Variants in STXBP4 observed in about 807,000 individuals in gnomAD.
STXBP4 encodes syntaxin binding protein 4.
STXBP4 carries 55 observed loss-of-function variants against 76.1 expected under a neutral mutation model. That is an observed-to-expected ratio of 0.72 (90% CI 0.58 to 0.91). The LOEUF (loss-of-function observed/expected upper bound fraction) is 0.91. Ranked by LOEUF, STXBP4 falls within the 40% of genes least tolerant of loss-of-function variation. The probability of loss-of-function intolerance (pLI) is 0.00; values close to 1 mark genes in which losing one functional copy is unlikely to be tolerated. For synonymous variants in STXBP4, 201 were observed against 220.2 expected, an observed-to-expected ratio of 0.91 and a Z score of 0.77; for missense variants, 618 against 636.9, an observed-to-expected ratio of 0.97 and a Z score of 0.32.
the STXBP4 span, among the ~76,000 whole-genome samples, chr17:55,195,984 C>T: frequency 4.0e-4 from 61 of 152,266 alleles, no homozygotes; most frequent in African/African-American, 1.4e-3. Flanking sequence ...CCAACAGTGT[C>T]CAGCTTCAGA....
At chr17:55,047,281 TA>T in intron 12 of STXBP4, 127 bp downstream of exon 12, 1 of 515,438 alleles carries the variant, frequency 1.9e-6, no homozygotes, top group South Asian at 4.0e-5. Flanking sequence ...TCCTGATACA[TA>T]TTACATAATA....
intron 1 of STXBP4, among the ~76,000 whole-genome samples, chr17:54,971,536 A>G (rs771678364): frequency 6.6e-6 from 1 of 152,156 alleles, no homozygotes; most frequent in Non-Finnish European, 1.5e-5. Context: ...AACCATAATT[A>G]CTTCCTAATC....
At chr17:54,978,761 TAAAG>T (rs2077506539) in intron 1 of STXBP4, among the ~76,000 whole-genome samples, 1 of 152,132 alleles carries the variant, frequency 6.6e-6, no homozygotes, top group Admixed American at 6.6e-5. Flanking sequence ...AAGAATAACT[TAAAG>T]AAGGAAATAA....
intron 17 of STXBP4, among the ~76,000 whole-genome samples, chr17:55,150,921 A>G (rs966758664): frequency 3.3e-5 from 5 of 152,210 alleles, no homozygotes; most frequent in African/African-American, 1.2e-4. Context: ...TGGATTATCC[A>G]AATGGGTCCA....
chr17:54,996,653 C>A (rs1269993938), intron 4 of STXBP4, among the ~76,000 whole-genome samples: 3 of 152,080 alleles, frequency 2.0e-5, no homozygotes, highest in Admixed American at 1.3e-4. Flanking sequence ...AATAGAGGTT[C>A]ATAAAAGCTG....
At chr17:55,206,007 G>T in the STXBP4 span, among the ~76,000 whole-genome samples, 1 of 151,894 alleles carries the variant, frequency 6.6e-6, no homozygotes, top group African/African-American at 2.4e-5. Flanking sequence ...ATATTAAATA[G>T]TATATTATAT....
chr17:54,969,931 G>A (rs568760807), intron 1 of STXBP4, among the ~76,000 whole-genome samples: 1 of 152,322 alleles, frequency 6.6e-6, no homozygotes, highest in East Asian at 1.9e-4. Flanking sequence ...GTGCAGTGAA[G>A]ACAATGTAAT....
intron 1 of STXBP4, among the ~76,000 whole-genome samples, chr17:54,969,313 G>A (rs553950141): frequency 6.6e-6 from 1 of 152,338 alleles, no homozygotes; most frequent in African/African-American, 2.4e-5. Flanking sequence ...GAACCCCGTG[G>A]GAGGATGTAA....
intron 8 of STXBP4, among the ~76,000 whole-genome samples, chr17:55,027,916 T>G (rs992056414): frequency 6.6e-6 from 1 of 152,074 alleles, no homozygotes; most frequent in Non-Finnish European, 1.5e-5. Context: ...AAAACTCATG[T>G]TTTTTTACAT....
At chr17:55,186,484 G>A in the STXBP4 span, among the ~76,000 whole-genome samples, 324 of 152,250 alleles carry the variant, frequency 2.1e-3, no homozygotes, top group Admixed American at 4.6e-3. Flanking sequence ...AAAAGAATAG[G>A]CATTTAAAGA....
intron 4 of STXBP4, among the ~76,000 whole-genome samples, chr17:54,997,212 G>A (rs1459908765): frequency 6.6e-6 from 1 of 152,086 alleles, no homozygotes. Context: ...AACAGGTTCA[G>A]AAATTCACAT....
intron 12 of STXBP4, among the ~76,000 whole-genome samples, chr17:55,061,924 G>A (rs757009438): frequency 6.4e-4 from 97 of 152,206 alleles, no homozygotes; most frequent in Non-Finnish European, 6.3e-4. Context: ...AGTCATGCAA[G>A]ATGAAACTAC....
chr17:55,117,610 A>AG (rs879708727), intron 16 of STXBP4, among the ~76,000 whole-genome samples: 28 of 151,770 alleles, frequency 1.8e-4, no homozygotes, highest in African/African-American at 6.8e-4. Context: ...AAAAAAAAAA[A>AG]CAATAATTTC....
chr17:55,064,178 C>T (rs1035403546), intron 12 of STXBP4, among the ~76,000 whole-genome samples: 10 of 152,148 alleles, frequency 6.6e-5, no homozygotes, highest in East Asian at 1.9e-4. Context: ...TTTGATTAAC[C>T]GTCATCCATG....
intron 16 of STXBP4, among the ~76,000 whole-genome samples, chr17:55,097,543 G>A (rs1598309499): frequency 6.6e-6 from 1 of 151,888 alleles, no homozygotes; most frequent in African/African-American, 2.4e-5. Context: ...GGTGCCTGTA[G>A]TATCAGCTAC....
At chr17:55,017,592 C>T (rs1026095241) in intron 8 of STXBP4, among the ~76,000 whole-genome samples, 5 of 152,148 alleles carry the variant, frequency 3.3e-5, no homozygotes, top group Admixed American at 1.3e-4. Context: ...GTGGTCGGGA[C>T]CCAGGAGGTA....
rs1258124511 is a variant in STXBP4, at chr17:55,163,274, A to C, written c.*3363A>C. 1.3e-5 allele frequency: 2 copies of C among 150,484 alleles called. No individual in the cohort carries two copies. Among genetic ancestry groups the C allele is most frequent in the African/African-American group, 4.9e-5 (2 of 40,856 alleles). 9.3% of individuals were successfully genotyped at this position (150,484 alleles called of 1,614,324 possible). A position where few individuals can be genotyped will look rare whatever the true frequency, so the allele number is the denominator to read the frequency against. ...AACCTTCCTTCCACCAAGTCCAAGA[A>C]CCTGAGATTTTTAATCATTAGGTTT... On this transcript the variant is annotated 3_prime_UTR_variant, in exon 18 of 18. Transcript: ENST00000376352.
At position 55,173,237 on chromosome 17, in the gene STXBP4, T is replaced by G. The variant is rs1030234241; in HGVS notation, c.*13326T>G. On this transcript the variant is annotated 3_prime_UTR_variant, in exon 18 of 18. Coordinates refer to ENST00000376352, the MANE Select transcript of STXBP4 (RefSeq NM_178509.6). ...GGGAGTGCAGAGTTCTATGAATTTTTAACACATGTCTAGTTATTTGACCAC... is the reference window on the plus strand; with the variant it reads ...GGGAGTGCAGAGTTCTATGAATTTTGAACACATGTCTAGTTATTTGACCAC... 3.9e-5 allele frequency: 6 copies of G among 152,230 alleles called. No homozygotes were observed. The highest frequency in any genetic ancestry group is 7.3e-5 in the Non-Finnish European group (5 of 68,042). The allele number at this position is 152,230 out of a possible 1,614,324, so 9.4% of individuals were successfully genotyped here. A position where few individuals can be genotyped will look rare whatever the true frequency, so the allele number is the denominator to read the frequency against.
chr17:54,975,682 C>T (rs974088380), intron 1 of STXBP4, among the ~76,000 whole-genome samples: 2 of 152,146 alleles, frequency 1.3e-5, no homozygotes, highest in African/African-American at 4.8e-5. Context: ...ATGATCAAAA[C>T]TCCAAACTTG....
Sources: gnomAD v4.1 joint callset for allele counts (sites outside exome capture counted in the v4.1 genomes callset) on GRCh38, gnomAD v4.1.1 for gene constraint, MANE v1.5 for transcripts, NCBI Gene and HGNC (gene_info 2026-07-23, HGNC 2026-07-21) for gene names.